The following IRF2 variants were observed in gnomAD, a reference collection of about 807,000 sequenced individuals.
IRF2 encodes the protein interferon regulatory factor 2.
IRF2 carries 15 observed loss-of-function variants against 40.6 expected under a neutral mutation model. The observed-to-expected ratio is 0.37, with a 90% CI of 0.25 to 0.57. The LOEUF (loss-of-function observed/expected upper bound fraction) is 0.57. Ranked by LOEUF, IRF2 falls within the 20% of genes least tolerant of loss-of-function variation. The pLI, the probability that IRF2 is intolerant of heterozygous loss-of-function variation, is 0.77. For missense variants in IRF2, 317 were observed against 455.7 expected (o/e 0.70, Z 2.77); for synonymous variants, 151 against 165.5 (o/e 0.91, Z 0.67).
chr4:184,460,947 C>G (rs1301111144), intron 1 of IRF2, among the ~76,000 whole-genome samples: 1 of 152,172 alleles, frequency 6.6e-6, no homozygotes, highest in African/African-American at 2.4e-5. Flanking sequence ...AACAGTAACT[C>G]TAGAGCACTA....
At chr4:184,463,655 T>C (rs887484336) in intron 1 of IRF2, among the ~76,000 whole-genome samples, 4 of 151,984 alleles carry the variant, frequency 2.6e-5, no homozygotes, top group African/African-American at 9.7e-5. Flanking sequence ...TGCATATATA[T>C]ATATTTTTTT....
At chr4:184,471,408 A>G (rs886916123) in intron 1 of IRF2, among the ~76,000 whole-genome samples, 2 of 152,232 alleles carry the variant, frequency 1.3e-5, no homozygotes, top group Admixed American at 1.3e-4. Flanking sequence ...TGTCTGGCTT[A>G]TAATAGATGT....
At chr4:184,421,657 C>G (rs752645975) in intron 2 of IRF2, among the ~76,000 whole-genome samples, 68 of 152,076 alleles carry the variant, frequency 4.5e-4, no homozygotes, top group Non-Finnish European at 8.5e-4. Context: ...AATCTGAAAT[C>G]TAACTTGCAA....
At chr4:184,429,574 A>G (rs908985744) in intron 1 of IRF2, among the ~76,000 whole-genome samples, 2 of 152,184 alleles carry the variant, frequency 1.3e-5, no homozygotes, top group South Asian at 4.1e-4. Context: ...CTCGAAAGGA[A>G]TCAGTTAATT....
At chr4:184,430,675 T>A (rs1030003630) in intron 1 of IRF2, among the ~76,000 whole-genome samples, 4 of 152,108 alleles carry the variant, frequency 2.6e-5, no homozygotes, top group South Asian at 2.1e-4. Context: ...TAACCAAATT[T>A]AAGTTCTACC....
intron 1 of IRF2, among the ~76,000 whole-genome samples, chr4:184,455,812 TAATAC>T (rs1738903805): frequency 6.6e-6 from 1 of 152,232 alleles, no homozygotes; most frequent in Non-Finnish European, 1.5e-5. Flanking sequence ...CTAAGGATGT[TAATAC>T]ACTTTTGAAT....
chr4:184,397,048 T>C (rs1335326308), intron 7 of IRF2, among the ~76,000 whole-genome samples: 1 of 152,242 alleles, frequency 6.6e-6, no homozygotes. Flanking sequence ...GTGACTGCAC[T>C]CTGGCAAGGA....
At chr4:184,411,267 C>T (rs1189947549) in intron 5 of IRF2, among the ~76,000 whole-genome samples, 2 of 152,072 alleles carry the variant, frequency 1.3e-5, no homozygotes, top group Admixed American at 6.5e-5. Flanking sequence ...CCATGTTGGC[C>T]AGGCTGGTCT....
At chr4:184,423,416 T>A (rs1177275142) in intron 2 of IRF2, among the ~76,000 whole-genome samples, 1 of 152,238 alleles carries the variant, frequency 6.6e-6, no homozygotes, top group African/African-American at 2.4e-5. Flanking sequence ...ACATGGAAAC[T>A]AGTTCTGTTA....
intron 1 of IRF2, among the ~76,000 whole-genome samples, chr4:184,433,014 GC>G (rs1320429679): frequency 1.3e-5 from 2 of 152,172 alleles, no homozygotes; most frequent in African/African-American, 4.8e-5. Context: ...AGGCAAGGTG[GC>G]CCCTGTGGAC....
At chr4:184,399,941 C>A (rs553401064) in intron 6 of IRF2, among the ~76,000 whole-genome samples, 2 of 152,348 alleles carry the variant, frequency 1.3e-5, no homozygotes, top group South Asian at 4.1e-4. Context: ...GCCTTTTACT[C>A]AACTTCTTCC....
At chr4:184,470,195 T>G (rs942144499) in intron 1 of IRF2, among the ~76,000 whole-genome samples, 1 of 152,192 alleles carries the variant, frequency 6.6e-6, no homozygotes, top group African/African-American at 2.4e-5. Flanking sequence ...TCATGTCTCA[T>G]ACAGATGAAA....
At chr4:184,412,005 T>TCA (rs1737092535) in intron 5 of IRF2, among the ~76,000 whole-genome samples, 1 of 95,240 alleles carries the variant, frequency 1.0e-5, no homozygotes, top group Non-Finnish European at 2.0e-5. Context: ...CTCCAAAGAT[T>TCA]AAAAAAAAAA....
chr4:184,466,060 G>GTTTTTTTTTT lies in IRF2; in HGVS notation c.-7+8318_-7+8319insAAAAAAAAAA, dbSNP rs750400403. On this transcript the variant is annotated intron_variant, in intron 1 of 8. Transcript: ENST00000393593. ...AACTTGTCCCATCTGGTTGTTTTTT[G>GTTTTTTTTTT]TTTTTTGTTTTTTTTTTGAGATGAA... is the stretch of plus-strand genomic sequence containing the variant. 5.5e-5 allele frequency among the ~76,000 whole-genome samples: 6 copies of GTTTTTTTTTT among 109,692 alleles called. 1 individual carries two copies. Among genetic ancestry groups the GTTTTTTTTTT allele is most frequent in the Non-Finnish European group, 4.1e-5 (2 of 49,040 alleles). 72.0% of individuals were successfully genotyped at this position (109,692 alleles called of 152,430 possible). A position where few individuals can be genotyped will look rare whatever the true frequency, so the allele number is the denominator to read the frequency against.
chr4:184,388,746 A>C lies in IRF2; in HGVS notation c.*12T>G, dbSNP rs1276843783. ...CAAGAAGCCCCAACAACCACCGCGG[A>C]GAGTCAGAGGCTTAACAGCTCTTGA... On this transcript the variant is annotated 3_prime_UTR_variant, in exon 9 of 9. Transcript: ENST00000393593. The surrounding 1 kb of genome is among the most constrained non-coding windows in gnomAD (Gnocchi z 4.6). 6.3e-7 allele frequency: 1 copy of C among 1,588,820 alleles called. No homozygotes were observed. Among genetic ancestry groups the C allele is most frequent in the Non-Finnish European group, 8.5e-7 (1 of 1,173,966 alleles).
At position 184,388,645 on chromosome 4, in the gene IRF2, G is replaced by T; in HGVS notation, c.*113C>A. 1 of 1,114,138 alleles carries T rather than the reference G, an allele frequency of 9.0e-7. No homozygotes were observed. The highest frequency in any genetic ancestry group is 1.3e-6 in the Non-Finnish European group (1 of 771,308). The allele number at this position is 1,114,138 out of a possible 1,614,324, so 69.0% of individuals were successfully genotyped here. On this transcript the variant is annotated 3_prime_UTR_variant, in exon 9 of 9. Transcript: ENST00000393593. This position sits in a 1 kb window ranked among gnomAD's most constrained non-coding sequence, Gnocchi z 4.6. ...CAGCAATCAATGTTCTATTGTCAAG[G>T]CTTTTTCCCTTAGATTTGTCTAAAA...
At chr4:184,438,005 T>G (rs763583991) in intron 1 of IRF2, among the ~76,000 whole-genome samples, 4 of 152,210 alleles carry the variant, frequency 2.6e-5, no homozygotes, top group Non-Finnish European at 5.9e-5. Context: ...AGAATTTCCA[T>G]GAAAGTTATG....
At chr4:184,401,594 T>G (rs945909115) in intron 6 of IRF2, among the ~76,000 whole-genome samples, 10 of 151,930 alleles carry the variant, frequency 6.6e-5, no homozygotes, top group Non-Finnish European at 1.3e-4. Flanking sequence ...AGACACAGAC[T>G]GACGCTGACC....
chr4:184,437,922 A>C (rs1738146410), intron 1 of IRF2, among the ~76,000 whole-genome samples: 2 of 152,044 alleles, frequency 1.3e-5, no homozygotes, highest in South Asian at 4.1e-4. Context: ...GGCACACAAT[A>C]GTCTTTTCCC....
Sources: gnomAD v4.1 joint callset for allele counts (sites outside exome capture counted in the v4.1 genomes callset) on GRCh38, gnomAD v4.1.1 for gene constraint, Gnocchi (gnomAD v3.1) non-coding constraint, MANE v1.5 for transcripts, NCBI Gene and HGNC (gene_info 2026-07-23, HGNC 2026-07-21) for gene names.